The following ASXL3 variants were observed in gnomAD, a reference collection of about 807,000 sequenced individuals.
The protein encoded by ASXL3 is putative Polycomb group protein ASXL3.
ASXL3 carries 34 observed loss-of-function variants against 170.6 expected under a neutral mutation model. The ratio of observed to expected loss-of-function variants is 0.20; its 90% CI spans 0.15 to 0.27. The LOEUF is 0.27. ASXL3 is among the 10% of genes least tolerant of loss of function. The pLI is 1.00. For synonymous variants in ASXL3, 1,002 were observed against 989.1 expected, an observed-to-expected ratio of 1.01 and a Z score of -0.24; for missense variants, 2,592 against 2,695.3, an observed-to-expected ratio of 0.96 and a Z score of 0.85.
intron 7 of ASXL3, among the ~76,000 whole-genome samples, chr18:33,681,029 T>C (rs967491934): frequency 1.3e-5 from 2 of 152,002 alleles, no homozygotes; most frequent in South Asian, 2.1e-4. Flanking sequence ...ATTTGGAAAT[T>C]ATAATTCTTT....
chr18:33,616,256 G>A (rs1302174637), intron 2 of ASXL3, among the ~76,000 whole-genome samples: 4 of 152,086 alleles, frequency 2.6e-5, no homozygotes, highest in South Asian at 2.1e-4. Flanking sequence ...TTGGGTAACT[G>A]TAAAGCCTTT....
chr18:33,654,071 C>T (rs1385175607), intron 4 of ASXL3, among the ~76,000 whole-genome samples: 2 of 151,948 alleles, frequency 1.3e-5, no homozygotes, highest in African/African-American at 2.4e-5. Flanking sequence ...TTTTAACAGT[C>T]CAGAGTCATG....
intron 8 of ASXL3, among the ~76,000 whole-genome samples, chr18:33,691,659 A>G (rs1183186949): frequency 6.6e-6 from 1 of 152,196 alleles, no homozygotes; most frequent in African/African-American, 2.4e-5. Flanking sequence ...AGAGAGATGT[A>G]AAAGCCTGTA....
intron 3 of ASXL3, 87 bp from the exon 4 acceptor site, chr18:33,646,158 C>T: frequency 1.1e-6 from 1 of 893,932 alleles, no homozygotes; most frequent in South Asian, 1.6e-5. Context: ...AATAACTGAT[C>T]ATACTGTAGG....
intron 2 of ASXL3, among the ~76,000 whole-genome samples, chr18:33,611,183 C>T (rs1398508383): frequency 1.3e-5 from 2 of 151,870 alleles, no homozygotes; most frequent in African/African-American, 4.8e-5. Flanking sequence ...GTCTCATCTT[C>T]ATATTATTGA....
intron 8 of ASXL3, among the ~76,000 whole-genome samples, chr18:33,686,635 CTG>C (rs1219362505): frequency 2.0e-5 from 3 of 152,114 alleles, no homozygotes; most frequent in African/African-American, 7.2e-5. Context: ...CTTAATATCT[CTG>C]TATGACTGGA....
chr18:33,708,913 T>G (rs1205056292), intron 8 of ASXL3, among the ~76,000 whole-genome samples: 1 of 152,214 alleles, frequency 6.6e-6, no homozygotes, highest in Non-Finnish European at 1.5e-5. Flanking sequence ...AGTTATATTA[T>G]GATTGAACAA....
chr18:33,618,578 A>C (rs988142591), intron 2 of ASXL3, among the ~76,000 whole-genome samples: 5 of 152,118 alleles, frequency 3.3e-5, no homozygotes, highest in African/African-American at 1.2e-4. Flanking sequence ...ACTTTTTGGA[A>C]GTTTTAAGGC....
chr18:33,682,369 ATTC>A (rs2145282743), intron 7 of ASXL3, among the ~76,000 whole-genome samples: 1 of 152,264 alleles, frequency 6.6e-6, no homozygotes, highest in African/African-American at 2.4e-5. Flanking sequence ...CAGAATGGTA[ATTC>A]TTCTGTCTGT....
At chr18:33,670,030 C>A (rs535429628) in intron 5 of ASXL3, among the ~76,000 whole-genome samples, 10 of 152,144 alleles carry the variant, frequency 6.6e-5, no homozygotes, top group African/African-American at 1.9e-4. Context: ...CCTGGATTTG[C>A]TAGAATCTGT....
At position 33,739,389 on chromosome 18, in the gene ASXL3, A is replaced by G. The variant is rs749129704; in HGVS notation, c.1985A>G (p.Tyr662Cys). Residue 662 changes from tyrosine (Y) to cysteine (C), a missense_variant, in exon 11 of 12, where the codon TAC becomes TGC. By Grantham distance (194) the Tyr-to-Cys change is radical (BLOSUM62 -2). Around this residue, in one of 4 missense-constraint regions of ASXL3, gnomAD observed 2,246 missense variants for 2,219.6 expected, o/e 1.01. Transcript: ENST00000269197. The part of the protein sequence containing the change: ...EVSSTENTDK[Y>C]NQRNSTDENF... ...TCTAGCACTGAAAATACAGACAAATACAACCAGAGAAATTCCACTGATGAA... is the reference window on the plus strand; with the variant it reads ...TCTAGCACTGAAAATACAGACAAATGCAACCAGAGAAATTCCACTGATGAA... The G allele has an allele frequency of 6.2e-7, 1 of 1,613,818 alleles. No homozygotes were observed.
chr18:33,750,423 C>A lies in ASXL3; in HGVS notation c.*3828C>A, dbSNP rs1008908929. 3.9e-5 allele frequency: 6 copies of A among 152,028 alleles called. No homozygotes were observed. Among genetic ancestry groups the A allele is most frequent in the Non-Finnish European group, 8.8e-5 (6 of 68,002 alleles). 9.4% of individuals were successfully genotyped at this position (152,028 alleles called of 1,614,324 possible). A position where few individuals can be genotyped will look rare whatever the true frequency, so the allele number is the denominator to read the frequency against. On this transcript the variant is annotated 3_prime_UTR_variant, in exon 12 of 12. Transcript: ENST00000269197. ...AAAACTTTGTTGTATTTGTACTGTTCTTGAATGTTTCAAAGAAAGTGCTTT... is the reference window on the plus strand; with the variant it reads ...AAAACTTTGTTGTATTTGTACTGTTATTGAATGTTTCAAAGAAAGTGCTTT...
intron 8 of ASXL3, among the ~76,000 whole-genome samples, chr18:33,689,450 A>T (rs966329420): frequency 6.6e-6 from 1 of 152,242 alleles, no homozygotes. Context: ...TAGCAACAGC[A>T]TCCAGTACTA....
intron 8 of ASXL3, among the ~76,000 whole-genome samples, chr18:33,688,967 A>G (rs762909265): frequency 3.3e-5 from 5 of 151,886 alleles, no homozygotes; most frequent in Non-Finnish European, 5.9e-5. Flanking sequence ...TTCTCCCCCA[A>G]TATATGATGA....
intron 8 of ASXL3, among the ~76,000 whole-genome samples, chr18:33,697,728 GCA>G (rs2066795196): frequency 6.6e-6 from 1 of 152,010 alleles, no homozygotes; most frequent in African/African-American, 2.4e-5. Flanking sequence ...TGATGGCCCA[GCA>G]CAGTGACTCA....
chr18:33,628,199 A>G (rs561523189), intron 2 of ASXL3, among the ~76,000 whole-genome samples: 2 of 152,226 alleles, frequency 1.3e-5, no homozygotes, highest in African/African-American at 2.4e-5. Context: ...GAGAGAAGCT[A>G]GGTATCTTGC....
intron 8 of ASXL3, among the ~76,000 whole-genome samples, chr18:33,702,679 ATTAAT>A (rs1291884560): frequency 2.0e-5 from 3 of 152,150 alleles, no homozygotes; most frequent in Admixed American, 2.0e-4. Context: ...GAATGGGATA[ATTAAT>A]TTATGTTAGG....
At chr18:33,587,058 A>G (rs2065040278) in intron 1 of ASXL3, among the ~76,000 whole-genome samples, 1 of 152,092 alleles carries the variant, frequency 6.6e-6, no homozygotes, top group Non-Finnish European at 1.5e-5. Context: ...TCTTTTCCAA[A>G]TCTTACTGAA....
At chr18:33,586,833 A>G (rs1272784218) in intron 1 of ASXL3, among the ~76,000 whole-genome samples, 2 of 152,174 alleles carry the variant, frequency 1.3e-5, no homozygotes, top group African/African-American at 4.8e-5. Context: ...TTAAACATTT[A>G]TTGGATACTT....
Sources: allele counts gnomAD v4.1 joint callset (sites outside exome capture counted in the v4.1 genomes callset), GRCh38; gene constraint gnomAD v4.1.1; regional missense constraint gnomAD v4.1.1; transcripts MANE v1.5; gene names NCBI Gene and HGNC (gene_info 2026-07-23, HGNC 2026-07-21).